EPC2: variants seen among roughly 807,000 people sequenced by gnomAD.
The protein encoded by EPC2 is enhancer of polycomb 2.
A neutral mutation model predicts 92.1 loss-of-function variants in EPC2; 14 were observed. The ratio of observed to expected loss-of-function variants is 0.15; its 90% confidence interval spans 0.10 to 0.24. The LOEUF is 0.24. EPC2 is among the 10% of genes least tolerant of loss of function. The pLI is 1.00. For synonymous variants in EPC2, 340 were observed against 334.7 expected (o/e 1.02, Z -0.17); for missense variants, 755 against 971.5 (o/e 0.78, Z 2.96).
At chr2:148,741,616 G>C (rs1164663936) in intron 2 of EPC2, among the ~76,000 whole-genome samples, 1 of 152,100 alleles carries the variant, frequency 6.6e-6, no homozygotes, top group Non-Finnish European at 1.5e-5. Flanking sequence ...TATGAATGTA[G>C]GATATTCATT....
In EPC2 at chr2:148,786,406, G is replaced by C. The variant is rs778057095; in HGVS notation, c.*29G>C. 5.1e-6 allele frequency: 8 copies of C among 1,567,310 alleles called. No homozygotes were observed. Among genetic ancestry groups the C allele is most frequent in the Non-Finnish European group, 7.0e-6 (8 of 1,146,322 alleles). On this transcript the variant is annotated 3_prime_UTR_variant, in exon 14 of 14. Transcript: ENST00000258484. ...AAAACACGTGGCTCTGACCTGTGCT[G>C]ATGGTGTGCAGTCATTCATATTCCA...
chr2:148,784,561 T>C (rs1194498457), intron 12 of EPC2, 107 bp from the exon 13 acceptor site: 13 of 862,076 alleles, frequency 1.5e-5, no homozygotes, highest in Non-Finnish European at 2.1e-5. Context: ...AAAAGTTAAC[T>C]TGGCATTCAA....
chr2:148,664,280 C>T (rs929595679), intron 1 of EPC2, among the ~76,000 whole-genome samples: 23 of 152,236 alleles, frequency 1.5e-4, no homozygotes, highest in African/African-American at 5.1e-4. Context: ...GGGTGGATTG[C>T]TCGAGTCCAG....
At chr2:148,767,244 A>G (rs1263674645) in intron 7 of EPC2, among the ~76,000 whole-genome samples, 5 of 151,848 alleles carry the variant, frequency 3.3e-5, no homozygotes, top group Non-Finnish European at 7.4e-5. Context: ...GCTATGACCT[A>G]CAGAAACTTT....
intron 1 of EPC2, among the ~76,000 whole-genome samples, chr2:148,656,444 T>C (rs1413239582): frequency 6.6e-6 from 1 of 152,204 alleles, no homozygotes; most frequent in Non-Finnish European, 1.5e-5. Flanking sequence ...TATTTATTTA[T>C]GACCTCAAGT....
intron 2 of EPC2, among the ~76,000 whole-genome samples, chr2:148,743,384 T>C (rs1395232193): frequency 1.3e-5 from 2 of 152,174 alleles, no homozygotes; most frequent in East Asian, 1.9e-4. Flanking sequence ...TATTCTGTTA[T>C]ACATTTTCAA....
chr2:148,753,825 G>A, intron 3 of EPC2, 102 bp from the exon 4 acceptor site: 1 of 783,672 alleles, frequency 1.3e-6, no homozygotes, highest in Non-Finnish European at 2.0e-6. Flanking sequence ...TTATCTGTTA[G>A]TAGTTATTGA....
At chr2:148,645,219 C>G (rs748824229) in intron 1 of EPC2, 49 bp downstream of exon 1, 4 of 1,465,722 alleles carry the variant, frequency 2.7e-6, no homozygotes, top group East Asian at 2.5e-5. Flanking sequence ...CCCCCCTCCC[C>G]TTTGTCAGTC....
chr2:148,677,647 GGTGA>G (rs1384464048), intron 1 of EPC2, among the ~76,000 whole-genome samples: 2 of 152,180 alleles, frequency 1.3e-5, no homozygotes, highest in Admixed American at 6.5e-5. Flanking sequence ...GGACCCTCGC[GGTGA>G]GTGTTACAGT....
chr2:148,749,937 A>G lies in EPC2; in HGVS notation c.460-3990A>G, dbSNP rs192644764. ...TCCTATCCAGATTTGTTTTAACTTTATATTATTAAAAGATCAGGGGGTCAT... is the reference window on the plus strand; with the variant it reads ...TCCTATCCAGATTTGTTTTAACTTTGTATTATTAAAAGATCAGGGGGTCAT... On this transcript the variant is annotated intron_variant, in intron 3 of 13. Coordinates refer to ENST00000258484, the MANE Select transcript of EPC2 (RefSeq NM_015630.4). Among the ~76,000 whole-genome samples, 236 of 152,220 alleles carry G rather than the reference A, an allele frequency of 1.6e-3. 1 individual carries two copies. Among genetic ancestry groups the G allele is most frequent in the Non-Finnish European group, 2.6e-3 (179 of 67,974 alleles).
chr2:148,708,693 T>C (rs547147126), intron 2 of EPC2, among the ~76,000 whole-genome samples: 1 of 152,218 alleles, frequency 6.6e-6, no homozygotes, highest in Admixed American at 6.5e-5. Flanking sequence ...GTTCAACATA[T>C]GCAAATCAAT....
intron 2 of EPC2, among the ~76,000 whole-genome samples, chr2:148,699,339 T>C (rs1423405204): frequency 6.6e-6 from 1 of 152,200 alleles, no homozygotes; most frequent in Admixed American, 6.5e-5. Context: ...CTTTGTATTG[T>C]ACAGTTTTAT....
intron 10 of EPC2, among the ~76,000 whole-genome samples, chr2:148,780,618 A>G (rs1424651031): frequency 6.6e-6 from 1 of 152,140 alleles, no homozygotes; most frequent in Non-Finnish European, 1.5e-5. Context: ...TTTGTAACAG[A>G]GATCCTTTTC....
chr2:148,760,317 C>T (rs1668047280), intron 4 of EPC2, among the ~76,000 whole-genome samples: 1 of 152,110 alleles, frequency 6.6e-6, no homozygotes, highest in Admixed American at 6.6e-5. Flanking sequence ...CAGGGTAGAA[C>T]CTCCAAGAGG....
chr2:148,719,918 A>G (rs1210784136), intron 2 of EPC2, among the ~76,000 whole-genome samples: 2 of 152,216 alleles, frequency 1.3e-5, no homozygotes, highest in African/African-American at 4.8e-5. Flanking sequence ...CTTTCGGCCC[A>G]TAGAACATGG....
chr2:148,650,578 C>G lies in EPC2; in HGVS notation c.153+5408C>G, dbSNP rs118115586. On this transcript the variant is annotated intron_variant, in intron 1 of 13. Transcript: ENST00000258484. ...GATTCACCTTATTTTTAAAGAAGAT[C>G]CATGACTAATTTGAATTGCCATATC... Among the ~76,000 whole-genome samples, 99 of 152,182 alleles carry G rather than the reference C, an allele frequency of 6.5e-4. No individual in the cohort carries two copies. In the East Asian group the frequency reaches 0.016, roughly 25 times the overall value.
In EPC2 at chr2:148,786,342, A is replaced by G; in HGVS notation, c.2389A>G (p.Ile797Val). Residue 797 changes from isoleucine to valine, a missense_variant, in exon 14 of 14, where the codon ATA (isoleucine) becomes GTA (valine). Transcript: ENST00000258484. ...HEPERLGLNG[I>V]AETTVAMEVT ...ACCAGAAAGATTGGGCTTAAATGGA[A>G]TAGCAGAGACAACAGTAGCTATGGA... The G allele has an allele frequency of 2.5e-6, 4 of 1,612,054 alleles. No individual in the cohort carries two copies. In the South Asian group the frequency reaches 4.4e-5, roughly 18 times the overall value.
chr2:148,702,091 G>C (rs1681900727), intron 2 of EPC2, among the ~76,000 whole-genome samples: 1 of 151,164 alleles, frequency 6.6e-6, no homozygotes, highest in African/African-American at 2.4e-5. Context: ...TTAGTCATTT[G>C]TCTTCTTTTT....
chr2:148,725,681 T>C (rs557205777), intron 2 of EPC2, among the ~76,000 whole-genome samples: 1 of 152,272 alleles, frequency 6.6e-6, no homozygotes, highest in Admixed American at 6.5e-5. Context: ...CTGAGTCTTT[T>C]TGTCCTTCAT....
Sources: allele counts gnomAD v4.1 joint callset (sites outside exome capture counted in the v4.1 genomes callset), GRCh38; gene constraint gnomAD v4.1.1; transcripts MANE v1.5; gene names NCBI Gene and HGNC (gene_info 2026-07-23, HGNC 2026-07-21).